KCNB2: variants seen among roughly 807,000 people sequenced by gnomAD.
The protein encoded by KCNB2 is potassium voltage-gated channel subfamily B member 2.
KCNB2 carries 15 observed loss-of-function variants against 61.5 expected under a neutral mutation model. The ratio of observed to expected loss-of-function variants is 0.24; its 90% CI spans 0.16 to 0.38. The LOEUF is 0.38. Among genes scored for constraint, KCNB2 ranks in the 10% least tolerant of loss-of-function variants. KCNB2 has a pLI of 1.00. For missense variants in KCNB2, 828 were observed against 1,125.2 expected, an observed-to-expected ratio of 0.74 and a Z score of 3.78; for synonymous variants, 457 against 446.0, an observed-to-expected ratio of 1.02 and a Z score of -0.31.
chr8:72,563,995 C>T (rs1479975062), intron 1 of KCNB2, among the ~76,000 whole-genome samples: 2 of 152,164 alleles, frequency 1.3e-5, no homozygotes, highest in Admixed American at 1.3e-4. Context: ...TTTTCTCTAT[C>T]CCTGCTATGA....
rs560667616 is a variant in KCNB2 at position 72,599,512 on chromosome 8, G to A, written c.579+31199G>A. ...ATAAAAACCCTAGAAGAAAACCTAG[G>A]CAATACCATTCAGGACATAGGCATG... On this transcript the variant is annotated intron_variant, in intron 2 of 2. Transcript: ENST00000523207. 2.0e-5 allele frequency among the ~76,000 whole-genome samples: 3 copies of A among 152,196 alleles called. No individual in the cohort carries two copies. The South Asian group carries it at 6.2e-4, about 32-fold the overall frequency.
At chr8:72,852,078 T>TAA (rs137962084) in intron 2 of KCNB2, among the ~76,000 whole-genome samples, 9 of 151,442 alleles carry the variant, frequency 5.9e-5, no homozygotes, top group South Asian at 2.1e-4. Context: ...CTAAAAAAAT[T>TAA]TAAAAAATAA....
chr8:72,924,628 C>T (rs1001336476), intron 2 of KCNB2, among the ~76,000 whole-genome samples: 8 of 152,112 alleles, frequency 5.3e-5, no homozygotes, highest in Non-Finnish European at 1.2e-4. Context: ...CAGAAAATGT[C>T]CGCATCAGAC....
chr8:72,873,911 T>C (rs988892119), intron 2 of KCNB2, among the ~76,000 whole-genome samples: 15 of 152,270 alleles, frequency 9.9e-5, no homozygotes, highest in Non-Finnish European at 1.9e-4. Flanking sequence ...CCTATGGACT[T>C]CAACTTCTCC....
intron 2 of KCNB2, among the ~76,000 whole-genome samples, chr8:72,763,422 G>A (rs5017510): frequency 0.098 from 14,936 of 152,042 alleles, 1,279 homozygotes; most frequent in East Asian, 0.51. Flanking sequence ...CATGTTGACA[G>A]ATATGCTTTT....
intron 2 of KCNB2, among the ~76,000 whole-genome samples, chr8:72,636,003 G>A (rs1805959742): frequency 6.6e-6 from 1 of 152,270 alleles, no homozygotes; most frequent in Non-Finnish European, 1.5e-5. Flanking sequence ...GGGTTTTCAT[G>A]AGATTAAATA....
chr8:72,810,694 C>T (rs1016332033), intron 2 of KCNB2, among the ~76,000 whole-genome samples: 2 of 152,160 alleles, frequency 1.3e-5, no homozygotes, highest in African/African-American at 4.8e-5. Context: ...GTTCCTCCAC[C>T]CTCCTTTAGT....
chr8:72,623,514 C>T (rs1000498851), intron 2 of KCNB2, among the ~76,000 whole-genome samples: 2 of 152,140 alleles, frequency 1.3e-5, no homozygotes, highest in African/African-American at 4.8e-5. Context: ...GAACCCAAAC[C>T]ATCTGGACAC....
intron 2 of KCNB2, among the ~76,000 whole-genome samples, chr8:72,596,591 G>C (rs1383348552): frequency 6.6e-6 from 1 of 152,196 alleles, no homozygotes. Flanking sequence ...CTTACTAATA[G>C]CTTCAGAATT....
chr8:72,725,569 A>ATGTG (rs1563571978), intron 2 of KCNB2, among the ~76,000 whole-genome samples: 2 of 67,944 alleles, frequency 2.9e-5, no homozygotes, highest in African/African-American at 7.2e-5. Context: ...ATATATGTAT[A>ATGTG]TATATGTATA....
At chr8:72,845,310 G>A (rs1809968916) in intron 2 of KCNB2, among the ~76,000 whole-genome samples, 2 of 152,192 alleles carry the variant, frequency 1.3e-5, no homozygotes, top group Non-Finnish European at 2.9e-5. Flanking sequence ...TCCTCCAGAA[G>A]CTTCGTCCCA....
intron 2 of KCNB2, among the ~76,000 whole-genome samples, chr8:72,913,719 A>C (rs1806341151): frequency 6.6e-6 from 1 of 152,224 alleles, no homozygotes; most frequent in Admixed American, 6.5e-5. Context: ...CTTCCCAGCC[A>C]GTCTGGAGTT....
rs150884079 is a variant in KCNB2 at position 72,858,715 on chromosome 8, A to C, written c.580-77220A>C. Among the ~76,000 whole-genome samples the C allele has an allele frequency of 6.6e-4, 100 of 152,318 alleles. No homozygotes were observed. The East Asian group carries it at 0.017, about 26-fold the overall frequency. On this transcript the variant is annotated intron_variant, in intron 2 of 2. Transcript: ENST00000523207. The stretch of plus-strand genomic sequence containing the variant: ...AAGTTTCAAGATAGTTGTCGCTATA[A>C]ATCTGTAATAGAACCTGCCATCATT...
intron 2 of KCNB2, among the ~76,000 whole-genome samples, chr8:72,794,416 T>A (rs1337305866): frequency 6.6e-6 from 1 of 151,632 alleles, no homozygotes; most frequent in Non-Finnish European, 1.5e-5. Flanking sequence ...ATACAAAAAA[T>A]TAGCCGGGCG....
chr8:72,573,406 A>G (rs937235730), intron 2 of KCNB2, among the ~76,000 whole-genome samples: 1 of 152,242 alleles, frequency 6.6e-6, no homozygotes, highest in African/African-American at 2.4e-5. Flanking sequence ...CTCTTTGTTT[A>G]GCTTTCTGAT....
intron 2 of KCNB2, among the ~76,000 whole-genome samples, chr8:72,591,054 T>A (rs552957805): frequency 6.6e-6 from 1 of 152,256 alleles, no homozygotes; most frequent in Admixed American, 6.5e-5. Context: ...AATATTTCAC[T>A]CAACTTTTAA....
chr8:72,549,741 T>C (rs1179017317), intron 1 of KCNB2, among the ~76,000 whole-genome samples: 2 of 152,184 alleles, frequency 1.3e-5, no homozygotes, highest in African/African-American at 4.8e-5. Context: ...CACGCCTGTG[T>C]TCTCTTTGGC....
At position 72,565,328 on chromosome 8, in the gene KCNB2, G is replaced by A. The variant is rs79038458; in HGVS notation, c.-93-2314G>A. ...GAACAATAAATAAATTTAACTTGCA[G>A]GATGGAGAAGCCAGAGGCATGCAGA... On this transcript the variant is annotated intron_variant, in intron 1 of 2. Transcript: ENST00000523207. Among the ~76,000 whole-genome samples, 114 of 152,256 alleles carry A rather than the reference G, an allele frequency of 7.5e-4. 3 individuals are homozygous for A. The East Asian group carries it at 0.018, about 24-fold the overall frequency.
At chr8:72,669,823 G>A (rs1322331291) in intron 2 of KCNB2, among the ~76,000 whole-genome samples, 2 of 152,162 alleles carry the variant, frequency 1.3e-5, no homozygotes, top group Non-Finnish European at 2.9e-5. Flanking sequence ...ACTACCCCAT[G>A]CCAGCCTCGT....
Sources: allele counts gnomAD v4.1 joint callset (sites outside exome capture counted in the v4.1 genomes callset), GRCh38; gene constraint gnomAD v4.1.1; transcripts MANE v1.5; gene names NCBI Gene and HGNC (gene_info 2026-07-23, HGNC 2026-07-21).